Variants in HS2ST1 observed in about 807,000 individuals in gnomAD.
HS2ST1 encodes 2-O-sulfotransferase.
HS2ST1 carries 18 observed loss-of-function variants against 42.9 expected under a neutral mutation model. The ratio of observed to expected loss-of-function variants is 0.42; its 90% CI spans 0.29 to 0.62. The LOEUF is 0.62. HS2ST1 is among the 20% of genes least tolerant of loss of function. The pLI, the probability that HS2ST1 is intolerant of heterozygous loss-of-function variation, is 0.21. For synonymous variants in HS2ST1, 146 were observed against 152.9 expected, an observed-to-expected ratio of 0.95 and a Z score of 0.33; for missense variants, 334 against 433.8, an observed-to-expected ratio of 0.77 and a Z score of 2.04.
intron 2 of HS2ST1, among the ~76,000 whole-genome samples, chr1:87,078,904 A>T (rs529811757): frequency 2.0e-5 from 3 of 152,184 alleles, no homozygotes; most frequent in Admixed American, 2.0e-4. Context: ...CTGGGACTAG[A>T]CTGATGAGAG....
chr1:87,004,194 C>G (rs1273242655), intron 1 of HS2ST1, among the ~76,000 whole-genome samples: 2 of 152,056 alleles, frequency 1.3e-5, no homozygotes, highest in East Asian at 3.9e-4. Context: ...AGTTCGAGAC[C>G]AGCCTGGCCA....
intron 1 of HS2ST1, among the ~76,000 whole-genome samples, chr1:86,955,403 C>T (rs1297962949): frequency 1.3e-5 from 2 of 152,068 alleles, no homozygotes; most frequent in Admixed American, 6.5e-5. Flanking sequence ...CTAGGTGGTG[C>T]TCCTTAAGAA....
intron 1 of HS2ST1, among the ~76,000 whole-genome samples, chr1:87,017,816 G>A (rs1557517112): frequency 6.6e-6 from 1 of 151,008 alleles, no homozygotes; most frequent in Admixed American, 6.6e-5. Context: ...TTTGATATAT[G>A]TGTCCTTTCT....
rs553202364 is a variant in HS2ST1, at chr1:87,082,414, C to CT, written c.364-1779dup. ...TCCCTGCTGTTTAGTTTATATAACACTGTTTTTTCAGACCTCAATGTAGCA... is the reference window on the plus strand; with the variant it reads ...TCCCTGCTGTTTAGTTTATATAACACTTGTTTTTTCAGACCTCAATGTAGCA... On this transcript the variant is annotated intron_variant, in intron 2 of 6. Coordinates refer to ENST00000370550, the MANE Select transcript of HS2ST1 (RefSeq NM_012262.4). Among the ~76,000 whole-genome samples, 181 of 152,314 alleles carry CT rather than the reference C, an allele frequency of 1.2e-3. 1 individual carries two copies. Among genetic ancestry groups the CT allele is most frequent in the African/African-American group, 4.1e-3 (170 of 41,568 alleles).
At chr1:86,985,969 A>G (rs551773044) in intron 1 of HS2ST1, among the ~76,000 whole-genome samples, 1 of 150,508 alleles carries the variant, frequency 6.6e-6, no homozygotes, top group African/African-American at 2.4e-5. Context: ...AATCACCTAA[A>G]TTGTGTGAGC....
intron 2 of HS2ST1, among the ~76,000 whole-genome samples, chr1:87,083,975 AATC>A (rs1651754957): frequency 6.6e-6 from 1 of 152,180 alleles, no homozygotes; most frequent in African/African-American, 2.4e-5. Flanking sequence ...TTGTTTTCAG[AATC>A]ATCTTTCACT....
intron 1 of HS2ST1, chr1:86,934,274 G>T (rs989744412): frequency 6.6e-6 from 1 of 152,148 alleles, no homozygotes; most frequent in African/African-American, 2.4e-5. Flanking sequence ...AACAGAGATC[G>T]CTGGGCAATT....
intron 2 of HS2ST1, 126 bp downstream of exon 2, chr1:87,073,298 G>C: frequency 1.4e-6 from 1 of 699,678 alleles, no homozygotes; most frequent in South Asian, 1.8e-5. Flanking sequence ...AAGCCTTTTA[G>C]GGGAGAGGGC....
At chr1:86,956,882 A>T (rs1647692825) in intron 1 of HS2ST1, among the ~76,000 whole-genome samples, 1 of 152,234 alleles carries the variant, frequency 6.6e-6, no homozygotes, top group Non-Finnish European at 1.5e-5. Context: ...AGTTAGTAGC[A>T]TATATTCAGT....
intron 1 of HS2ST1, among the ~76,000 whole-genome samples, chr1:86,927,822 A>G (rs1321992992): frequency 6.6e-6 from 1 of 152,156 alleles, no homozygotes; most frequent in Admixed American, 6.5e-5. Flanking sequence ...TTATTGGTTC[A>G]TTGATAAGCT....
rs892611598 is a variant in HS2ST1, at chr1:87,037,810, A to G, written c.125-35124A>G. 5.9e-5 allele frequency among the ~76,000 whole-genome samples: 9 copies of G among 152,098 alleles called. No individual in the cohort carries two copies. In the East Asian group the frequency reaches 1.7e-3, roughly 29 times the overall value. On this transcript the variant is annotated intron_variant, in intron 1 of 6. Transcript: ENST00000370550. Reference sequence around the variant, plus strand: ...TTTTCACTCAATAATTCTGATATCTAGCCATCTTGATACTTCCAGACGTAG... The same window carrying G: ...TTTTCACTCAATAATTCTGATATCTGGCCATCTTGATACTTCCAGACGTAG...
Position 87,106,441 on chromosome 1 carries a change from T to C in HS2ST1, c.*1745T>C, listed in dbSNP as rs1570551716. 6.6e-6 allele frequency: 1 copy of C among 152,094 alleles called. No individual in the cohort carries two copies. Among genetic ancestry groups the C allele is most frequent in the East Asian group, 1.9e-4 (1 of 5,192 alleles). 9.4% of individuals were successfully genotyped at this position (152,094 alleles called of 1,614,324 possible). ...TTATTCAGAAATGGTAGCTATTCTA[T>C]ACCTATGGTTTAAGTAAATATTTCT... On this transcript the variant is annotated 3_prime_UTR_variant, in exon 7 of 7. Transcript: ENST00000370550.
At chr1:87,016,037 G>A (rs545360001) in intron 1 of HS2ST1, among the ~76,000 whole-genome samples, 3 of 151,884 alleles carry the variant, frequency 2.0e-5, no homozygotes, top group South Asian at 2.1e-4. Context: ...GGATGATCCC[G>A]ATCTCCTGAC....
chr1:86,957,196 A>C (rs534789225), intron 1 of HS2ST1, among the ~76,000 whole-genome samples: 8 of 152,358 alleles, frequency 5.3e-5, no homozygotes, highest in African/African-American at 1.9e-4. Flanking sequence ...GTCATTTTAA[A>C]GAGCAAGGAT....
chr1:87,059,539 A>G (rs911188557), intron 1 of HS2ST1, among the ~76,000 whole-genome samples: 1 of 152,230 alleles, frequency 6.6e-6, no homozygotes, highest in African/African-American at 2.4e-5. Context: ...AAGAAAAAGG[A>G]AAAGCATGTA....
intron 1 of HS2ST1, among the ~76,000 whole-genome samples, chr1:87,026,384 T>A (rs1650086602): frequency 6.6e-6 from 1 of 152,214 alleles, no homozygotes; most frequent in Non-Finnish European, 1.5e-5. Flanking sequence ...AGGTAAATTA[T>A]GTCACACACA....
chr1:87,031,424 ATTAT>A (rs1650234859), intron 1 of HS2ST1, among the ~76,000 whole-genome samples: 1 of 130,894 alleles, frequency 7.6e-6, no homozygotes, highest in South Asian at 3.1e-4. Flanking sequence ...ACTGAACTAG[ATTAT>A]TTATAAGATT....
At chr1:87,021,970 A>T (rs1649965119) in intron 1 of HS2ST1, among the ~76,000 whole-genome samples, 1 of 152,244 alleles carries the variant, frequency 6.6e-6, no homozygotes, top group Non-Finnish European at 1.5e-5. Flanking sequence ...AAGAATCTGA[A>T]AGTAACACAG....
rs147874594 is a variant in HS2ST1 at position 87,072,997 on chromosome 1, G to A, written c.188G>A (p.Arg63Gln). 110 of 1,613,912 alleles carry A rather than the reference G, an allele frequency of 6.8e-5. No individual in the cohort carries two copies. Among genetic ancestry groups the A allele is most frequent in the Middle Eastern group, 4.9e-4 (3 of 6,084 alleles). The change falls in exon 2 of 7, where the codon CGG becomes CAG. Residue 63 changes from arginine to glutamine, a missense_variant. Arg to Gln is a conservative substitution (Grantham distance 43). Coordinates refer to ENST00000370550, the MANE Select transcript of HS2ST1 (RefSeq NM_012262.4). ...CAGCGACATACAATGGATGGCCCTC[G>A]GCAAGATGCCACTTTAGATGAGGAA... ...IEQRHTMDGP[R>Q]QDATLDEEED...
Sources: gnomAD v4.1 joint callset for allele counts (sites outside exome capture counted in the v4.1 genomes callset) on GRCh38, gnomAD v4.1.1 for gene constraint, MANE v1.5 for transcripts, NCBI Gene and HGNC (gene_info 2026-07-23, HGNC 2026-07-21) for gene names.